Variants in RAPGEF1 observed in about 807,000 individuals in gnomAD.
RAPGEF1 encodes Rap guanine nucleotide exchange factor 1, also known as CRK SH3-binding GNRP.
Under a neutral mutation model 143.3 loss-of-function variants are expected in RAPGEF1, and 33 were observed. The observed-to-expected ratio is 0.23, with a 90% CI of 0.17 to 0.31. The LOEUF (loss-of-function observed/expected upper bound fraction) is 0.31, where lower values mean the gene tolerates loss of function less well. Among genes scored for constraint, RAPGEF1 ranks in the 10% least tolerant of loss-of-function variants. The pLI, the probability that RAPGEF1 is intolerant of heterozygous loss-of-function variation, is 1.00. For missense variants in RAPGEF1, 1,199 were observed against 1,645.4 expected (o/e 0.73, Z 4.69); for synonymous variants, 629 against 676.5 (o/e 0.93, Z 1.09).
chr9:131,628,864 CCTTT>C lies in RAPGEF1; in HGVS notation c.894-196_894-193del, dbSNP rs542834919. 1.9e-3 allele frequency among the ~76,000 whole-genome samples: 290 copies of C among 152,238 alleles called. No individual in the cohort carries two copies. The highest frequency in any genetic ancestry group is 3.6e-3 in the Admixed American group (55 of 15,294). ...TACCAAATGAACAAAAAAGAACAAC[CCTTT>C]CTTTTTCTTTCATAATAAATCATAC... On this transcript the variant is annotated intron_variant, in intron 7 of 26. Coordinates refer to ENST00000683357, the MANE Select transcript of RAPGEF1 (RefSeq NM_001377935.1). This position sits in a 1 kb window ranked among gnomAD's most constrained non-coding sequence, Gnocchi z 5.7.
At chr9:131,709,596 A>G in intron 1 of RAPGEF1, 1 of 1,609,048 alleles carries the variant, frequency 6.2e-7, no homozygotes, top group Non-Finnish European at 8.5e-7. Context: ...TTCTTCCTGG[A>G]AAGGAAGCCC....
intron 20 of RAPGEF1, 46 bp from the exon 21 acceptor site, chr9:131,588,072 G>A (rs376990510): frequency 2.3e-4 from 345 of 1,513,164 alleles, no homozygotes; most frequent in Non-Finnish European, 2.9e-4. Context: ...TGGGGAGGCC[G>A]GTGGGGAGGG....
chr9:131,689,428 A>C (rs1490701414), intron 1 of RAPGEF1, among the ~76,000 whole-genome samples: 7 of 152,226 alleles, frequency 4.6e-5, no homozygotes, highest in Non-Finnish European at 1.5e-5. Context: ...TAGTTTTAAG[A>C]AGCATTTCAA....
chr9:131,684,174 C>T (rs1447836239), intron 1 of RAPGEF1, among the ~76,000 whole-genome samples: 4 of 152,208 alleles, frequency 2.6e-5, no homozygotes, highest in South Asian at 2.1e-4. Context: ...AGTTAACCCT[C>T]GAGGACTGGA....
At chr9:131,736,230 T>C (rs1314218731) in intron 1 of RAPGEF1, among the ~76,000 whole-genome samples, 5 of 152,178 alleles carry the variant, frequency 3.3e-5, no homozygotes, top group Non-Finnish European at 7.4e-5. Flanking sequence ...GGGAGCTCCC[T>C]AATCTGTCCA....
rs552393480 is a variant in RAPGEF1 at position 131,594,190 on chromosome 9, T to C, written c.2690-2007A>G. Among the ~76,000 whole-genome samples, 2 of 152,302 alleles carry C rather than the reference T, an allele frequency of 1.3e-5. 1 individual carries two copies. The highest frequency in any genetic ancestry group is 4.8e-5 in the African/African-American group (2 of 41,584). Reference sequence around the variant, plus strand: ...AGCGCCTGGCTTCTGGGACGGGCAGTGCTGTGCCACCCCTCTAGAGATCAC... The same window carrying C: ...AGCGCCTGGCTTCTGGGACGGGCAGCGCTGTGCCACCCCTCTAGAGATCAC... On this transcript the variant is annotated intron_variant, in intron 17 of 26. Transcript: ENST00000683357.
intron 4 of RAPGEF1, among the ~76,000 whole-genome samples, chr9:131,640,523 T>TA (rs1967612483): frequency 1.3e-5 from 2 of 152,320 alleles, no homozygotes; most frequent in East Asian, 1.9e-4. Context: ...AGTTGAGGAC[T>TA]ATAAAAAATG....
chr9:131,589,832 A>G, intron 19 of RAPGEF1, 54 bp downstream of exon 19: 4 of 1,498,456 alleles, frequency 2.7e-6, no homozygotes, highest in Non-Finnish European at 3.7e-6. Flanking sequence ...AGCAGGTGGA[A>G]TGGAGCCTTT....
chr9:131,706,051 C>T (rs952506909), intron 1 of RAPGEF1, among the ~76,000 whole-genome samples: 8 of 152,120 alleles, frequency 5.3e-5, no homozygotes, highest in African/African-American at 1.9e-4. Context: ...CAGGGGAATC[C>T]GGGCAGAAAT....
In RAPGEF1 at chr9:131,588,887, C is replaced by T; in HGVS notation, c.2967G>A (p.Lys989=). The change falls in exon 20 of 27, where the codon AAG becomes AAA. Residue 989 remains lysine (K), a synonymous_variant. Transcript: ENST00000683357. Reference sequence around the variant, plus strand: ...TCTGGTCCACCTTGTCCAGGATGTTCTTCCGGAGCACACGGGCCAGGCTCA... The same window carrying T: ...TCTGGTCCACCTTGTCCAGGATGTTTTTCCGGAGCACACGGGCCAGGCTCA... The part of the protein sequence containing the change: ...GELSLARVLR[K]NILDKVDQKK... 6.2e-7 allele frequency: 1 copy of T among 1,613,928 alleles called. No homozygotes were observed. Among genetic ancestry groups the T allele is most frequent in the African/African-American group, 1.3e-5 (1 of 75,016 alleles).
At chr9:131,674,929 G>A (rs1252640647) in intron 1 of RAPGEF1, among the ~76,000 whole-genome samples, 1 of 152,048 alleles carries the variant, frequency 6.6e-6, no homozygotes, top group Non-Finnish European at 1.5e-5. Flanking sequence ...AGAGAGGGGT[G>A]GGGGTGGCCT....
intron 26 of RAPGEF1, 54 bp downstream of exon 26, chr9:131,580,209 G>C: frequency 6.2e-7 from 1 of 1,602,652 alleles, no homozygotes; most frequent in Non-Finnish European, 8.5e-7. Flanking sequence ...GTCTCTCCTT[G>C]TGTGTGGCCC....
In RAPGEF1 at chr9:131,583,318, C is replaced by T. The variant is rs545167184; in HGVS notation, c.3415-616G>A. On this transcript the variant is annotated intron_variant, in intron 24 of 26. Transcript: ENST00000683357. This position sits in a 1 kb window ranked among gnomAD's most constrained non-coding sequence, Gnocchi z 4.7. ...TCCTGAGGACCCCCCATGCAGAGGC[C>T]GTGTGAATTTCCCACCTCTCCCCAT... is the stretch of plus-strand genomic sequence containing the variant. 2.1e-4 allele frequency among the ~76,000 whole-genome samples: 32 copies of T among 152,244 alleles called. No individual in the cohort carries two copies. In the South Asian group the frequency reaches 5.4e-3, roughly 26 times the overall value.
intron 1 of RAPGEF1, among the ~76,000 whole-genome samples, chr9:131,663,763 G>A (rs1043416727): frequency 1.3e-5 from 2 of 152,268 alleles, no homozygotes; most frequent in Non-Finnish European, 2.9e-5. Context: ...CTTGGTTAAG[G>A]TGGTATCTGC....
intron 5 of RAPGEF1, 45 bp from the exon 6 acceptor site, chr9:131,630,369 C>G (rs1554830750): frequency 6.3e-7 from 1 of 1,592,500 alleles, no homozygotes; most frequent in South Asian, 1.1e-5. Flanking sequence ...CCCGTCACCA[C>G]TGAGTTTCCA....
Position 131,584,860 on chromosome 9 carries a change from C to T in RAPGEF1, c.3234-264G>A, listed in dbSNP as rs1450628611. On this transcript the variant is annotated intron_variant, in intron 22 of 26. Coordinates refer to ENST00000683357, the MANE Select transcript of RAPGEF1 (RefSeq NM_001377935.1). The surrounding 1 kb of genome is among the most constrained non-coding windows in gnomAD (Gnocchi z 6.8). Reference sequence around the variant, plus strand: ...TCTGGTGAAGGCCCAAAGGGGGCTTCGAATCTGCAGGTGGAGCATGGGAGG... The same window carrying T: ...TCTGGTGAAGGCCCAAAGGGGGCTTTGAATCTGCAGGTGGAGCATGGGAGG... Among the ~76,000 whole-genome samples, 2 of 152,162 alleles carry T rather than the reference C, an allele frequency of 1.3e-5. No individual in the cohort carries two copies. Among genetic ancestry groups the T allele is most frequent in the African/African-American group, 2.4e-5 (1 of 41,424 alleles).
At chr9:131,728,887 T>A (rs1175007777) in intron 1 of RAPGEF1, among the ~76,000 whole-genome samples, 1 of 152,248 alleles carries the variant, frequency 6.6e-6, no homozygotes, top group Admixed American at 6.5e-5. Context: ...CGTTTAATTC[T>A]CCCTCAATAC....
At chr9:131,602,996 G>A (rs1384978936) in intron 14 of RAPGEF1, among the ~76,000 whole-genome samples, 1 of 152,254 alleles carries the variant, frequency 6.6e-6, no homozygotes, top group East Asian at 1.9e-4. Flanking sequence ...CTTCACCATG[G>A]GGAGGCTGAG....
rs1390750133 is a variant in RAPGEF1, at chr9:131,577,658, T to C, written c.*1839A>G. 1.3e-5 allele frequency: 2 copies of C among 152,178 alleles called. No homozygotes were observed. Among genetic ancestry groups the C allele is most frequent in the East Asian group, 3.9e-4 (2 of 5,190 alleles). 9.4% of individuals were successfully genotyped at this position (152,178 alleles called of 1,614,324 possible). ...AGGGAAGGGGAGAGAGAGTCAAGGA[T>C]TGAAATGAAGGGACTTCAAAAAGAA... On this transcript the variant is annotated 3_prime_UTR_variant, in exon 27 of 27. Transcript: ENST00000683357.
Sources: allele counts gnomAD v4.1 joint callset (sites outside exome capture counted in the v4.1 genomes callset), GRCh38; gene constraint gnomAD v4.1.1; non-coding constraint Gnocchi (gnomAD v3.1); transcripts MANE v1.5; gene names NCBI Gene and HGNC (gene_info 2026-07-23, HGNC 2026-07-21).